The following NCAPH variants were observed in gnomAD, a reference collection of about 807,000 sequenced individuals.
NCAPH encodes the protein condensin complex subunit 2.
In NCAPH, 38 loss-of-function variants were observed where a neutral mutation model predicts 85.5. The observed-to-expected ratio is 0.44, with a 90% CI of 0.34 to 0.58. NCAPH has a LOEUF of 0.58. Among genes scored for constraint, NCAPH ranks in the 20% least tolerant of loss-of-function variants. The pLI, the probability that NCAPH is intolerant of heterozygous loss-of-function variation, is 0.01. For synonymous variants in NCAPH, 301 were observed against 335.1 expected, an observed-to-expected ratio of 0.90 and a Z score of 1.11; for missense variants, 789 against 916.6, an observed-to-expected ratio of 0.86 and a Z score of 1.80.
chr2:96,338,958 C>G (rs1573060196), intron 1 of NCAPH, among the ~76,000 whole-genome samples: 1 of 152,122 alleles, frequency 6.6e-6, no homozygotes, highest in East Asian at 1.9e-4. Context: ...CTACAGGCAC[C>G]CGCCACTGCG....
rs140868942 is a variant in NCAPH, at chr2:96,344,209, G to A, written c.700G>A (p.Glu234Lys). ...EQNINNLNVS[E>K]ADRKCEIDPM... ...GAACATAAACAACCTCAATGTCTCCGAAGCAGATCGGAAGTGTGAGGTGAG... is the reference window on the plus strand; with the variant it reads ...GAACATAAACAACCTCAATGTCTCCAAAGCAGATCGGAAGTGTGAGGTGAG... The change falls in exon 6 of 18, where the codon GAA becomes AAA. Residue 234 changes from glutamate (E) to lysine (K), a missense_variant. Glu to Lys is a moderately conservative substitution (Grantham distance 56). Transcript: ENST00000240423. 24 of 1,611,276 alleles carry A rather than the reference G, an allele frequency of 1.5e-5. No homozygotes were observed. The highest frequency in any genetic ancestry group is 8.0e-5 in the African/African-American group (6 of 74,772).
chr2:96,340,922 C>T (rs977274769), intron 1 of NCAPH, among the ~76,000 whole-genome samples: 5 of 151,804 alleles, frequency 3.3e-5, no homozygotes, highest in Non-Finnish European at 7.4e-5. Flanking sequence ...TCTTATAAAC[C>T]AGAAGTTAAA....
Position 96,342,830 on chromosome 2 carries a change from C to T in NCAPH, c.438C>T (p.Thr146=), listed in dbSNP as rs1459869932. ...FMSEILKQKD[T]EPTNFKVAAG... ...CAGAGATTCTTAAACAGAAAGACACCGAACCAACCAACTTTAAAGTAAGAA... is the reference window on the plus strand; with the variant it reads ...CAGAGATTCTTAAACAGAAAGACACTGAACCAACCAACTTTAAAGTAAGAA... The change falls in exon 4 of 18, where the codon ACC becomes ACT. Residue 146 remains threonine, a synonymous_variant. Transcript: ENST00000240423. 8.7e-6 allele frequency: 14 copies of T among 1,611,852 alleles called. No individual in the cohort carries two copies. The highest frequency in any genetic ancestry group is 2.2e-5 in the East Asian group (1 of 44,866).
At chr2:96,341,959 G>A in intron 2 of NCAPH, 65 bp downstream of exon 2, 3 of 1,605,354 alleles carry the variant, frequency 1.9e-6, no homozygotes, top group Non-Finnish European at 1.7e-6. Flanking sequence ...GTAGGTCCAG[G>A]CATCTCCACA....
chr2:96,369,547 A>T, intron 17 of NCAPH, 47 bp downstream of exon 17: 1 of 1,537,258 alleles, frequency 6.5e-7, no homozygotes, highest in Non-Finnish European at 9.0e-7. Flanking sequence ...TTCCCTGTTT[A>T]TGTCAACTCA....
rs2064489998 is a variant in NCAPH, at chr2:96,354,234, A to G, written c.1054A>G (p.Ile352Val). 2.5e-6 allele frequency: 4 copies of G among 1,614,174 alleles called. No individual in the cohort carries two copies. The highest frequency in any genetic ancestry group is 3.4e-6 in the Non-Finnish European group (4 of 1,180,040). The change falls in exon 9 of 18, where the codon ATC becomes GTC. Residue 352 changes from isoleucine to valine, a missense_variant. Physicochemically the swap from Ile to Val is conservative, Grantham distance 29 (BLOSUM62 3). Coordinates refer to ENST00000240423, the MANE Select transcript of NCAPH (RefSeq NM_015341.5). ...TAAGAAGAATGACCAGGTATTTGACATCAATGCTGAAGTTGACGAGAGTGA... is the reference window on the plus strand; with the variant it reads ...TAAGAAGAATGACCAGGTATTTGACGTCAATGCTGAAGTTGACGAGAGTGA... ...KFKKNDQVFDINAEVDESDCG... is the reference protein window; with the variant it reads ...KFKKNDQVFDVNAEVDESDCG...
intron 6 of NCAPH, among the ~76,000 whole-genome samples, chr2:96,350,747 G>A (rs1352610442): frequency 2.0e-5 from 3 of 152,134 alleles, no homozygotes; most frequent in African/African-American, 7.2e-5. Context: ...GAGCTAAGGG[G>A]ACCAGGGAAG....
chr2:96,358,248 G>C (rs1422050595), intron 9 of NCAPH, among the ~76,000 whole-genome samples: 1 of 152,228 alleles, frequency 6.6e-6, no homozygotes, highest in Non-Finnish European at 1.5e-5. Context: ...CAAAGCGTTA[G>C]AGGAACTAAA....
intron 1 of NCAPH, among the ~76,000 whole-genome samples, chr2:96,339,005 G>A (rs552157231): frequency 9.2e-5 from 14 of 152,082 alleles, no homozygotes; most frequent in Non-Finnish European, 1.8e-4. Context: ...TAGAGGTGGG[G>A]TTTCACCGTG....
At chr2:96,372,045 C>T (rs1034629469) in intron 17 of NCAPH, among the ~76,000 whole-genome samples, 4 of 152,216 alleles carry the variant, frequency 2.6e-5, no homozygotes, top group Non-Finnish European at 4.4e-5. Context: ...GTGACTTGAG[C>T]GTTCTGTCTT....
At chr2:96,352,324 CT>C (rs2064456276) in intron 7 of NCAPH, among the ~76,000 whole-genome samples, 1 of 152,172 alleles carries the variant, frequency 6.6e-6, no homozygotes, top group Admixed American at 6.5e-5. Flanking sequence ...TGGGTTCCTC[CT>C]GGAGTGTCAG....
intron 1 of NCAPH, among the ~76,000 whole-genome samples, chr2:96,339,330 C>T (rs1038375483): frequency 1.3e-5 from 2 of 152,104 alleles, no homozygotes; most frequent in Non-Finnish European, 2.9e-5. Flanking sequence ...TGGTGGCTCA[C>T]GCCTGTAATT....
Position 96,335,806 on chromosome 2 carries a change from C to T in NCAPH, c.-24C>T. The T allele has an allele frequency of 6.7e-7, 1 of 1,487,230 alleles. No individual in the cohort carries two copies. Among genetic ancestry groups the T allele is most frequent in the Non-Finnish European group, 8.9e-7 (1 of 1,122,092 alleles). 92.1% of individuals were successfully genotyped at this position (1,487,230 alleles called of 1,614,324 possible). ...CGTCTCGACGCGCGCGATTTAAAAC[C>T]AGCTCAGGAGACGCCAAGGAAAGAT... On this transcript the variant is annotated 5_prime_UTR_variant, in exon 1 of 18. Coordinates refer to ENST00000240423, the MANE Select transcript of NCAPH (RefSeq NM_015341.5).
chr2:96,343,970 A>G (rs747103433), intron 5 of NCAPH, 135 bp from the exon 6 acceptor site: 7 of 1,135,720 alleles, frequency 6.2e-6, no homozygotes, highest in South Asian at 3.1e-5. Context: ...CCAAAGCGCT[A>G]GGATTACAGG....
At position 96,344,140 on chromosome 2, in the gene NCAPH, G is replaced by C; in HGVS notation, c.631G>C (p.Ala211Pro). The change falls in exon 6 of 18, where the codon GCT (alanine) becomes CCT (proline). Residue 211 changes from alanine (A) to proline (P), a missense_variant. Transcript: ENST00000240423. Reference sequence around the variant, plus strand: ...TACTGAAATGGGAACAACCAAAAAGGCTGTAAAGCCAAAGAAGAAGCACTT... The same window carrying C: ...TACTGAAATGGGAACAACCAAAAAGCCTGTAAAGCCAAAGAAGAAGCACTT... ...SATEMGTTKK[A>P]VKPKKKHLHR... is the part of the protein sequence containing the mutation. 6.2e-7 allele frequency: 1 copy of C among 1,613,560 alleles called. No individual in the cohort carries two copies. Among genetic ancestry groups the C allele is most frequent in the East Asian group, 2.2e-5 (1 of 44,848 alleles).
In NCAPH at chr2:96,360,033, C is replaced by T. The variant is rs1308038625; in HGVS notation, c.1358-110C>T. ...ACTGTTGTGATGCTCAGACACAATG[C>T]TGCCTTGTGGTTTTGATAAGCCTTG... On this transcript the variant is annotated intron_variant, in intron 10 of 17. Transcript: ENST00000240423. The T allele has an allele frequency of 5.9e-6, 4 of 678,430 alleles. No homozygotes were observed. The East Asian group carries it at 8.0e-5, about 14-fold the overall frequency. The allele number at this position is 678,430 out of a possible 1,614,324, so 42.0% of individuals were successfully genotyped here.
intron 9 of NCAPH, among the ~76,000 whole-genome samples, 153 bp downstream of exon 9, chr2:96,354,541 C>T (rs1357672979): frequency 6.6e-6 from 1 of 151,752 alleles, no homozygotes. Context: ...CCAGGCTGGT[C>T]TTGAACTCTT....
intron 17 of NCAPH, among the ~76,000 whole-genome samples, chr2:96,370,348 A>G (rs2064756525): frequency 6.6e-6 from 1 of 152,354 alleles, no homozygotes; most frequent in South Asian, 2.1e-4. Context: ...ACTGGAGTGC[A>G]GTTACTATGT....
Position 96,360,664 on chromosome 2 carries a change from A to T in NCAPH, c.1541A>T (p.Tyr514Phe). Residue 514 changes from tyrosine (Y) to phenylalanine (F), a missense_variant, in exon 12 of 18, where the codon TAC (tyrosine) becomes TTC (phenylalanine). Physicochemically the swap from Tyr to Phe is conservative, Grantham distance 22 (BLOSUM62 3). Transcript: ENST00000240423. The stretch of plus-strand genomic sequence containing the variant: ...ACCACCCTTCCTACAGATTTCAACT[A>T]CAATGTTGACACTCTGGTCCAGCTT... ...RATTLPTDFN[Y>F]NVDTLVQLHL... 1 of 1,614,190 alleles carries T rather than the reference A, an allele frequency of 6.2e-7. No homozygotes were observed. Among genetic ancestry groups the T allele is most frequent in the Non-Finnish European group, 8.5e-7 (1 of 1,180,018 alleles).
Sources: allele counts gnomAD v4.1 joint callset (sites outside exome capture counted in the v4.1 genomes callset), GRCh38; gene constraint gnomAD v4.1.1; transcripts MANE v1.5; gene names NCBI Gene and HGNC (gene_info 2026-07-23, HGNC 2026-07-21).